WDR76: variants seen among roughly 807,000 people sequenced by gnomAD.
WDR76 encodes the protein WD repeat domain 76.
Under a neutral mutation model 70.2 loss-of-function variants are expected in WDR76, and 52 were observed. The observed-to-expected ratio is 0.74, with a 90% confidence interval of 0.59 to 0.93. The LOEUF is 0.93. Among genes scored for constraint, WDR76 ranks in the 40% least tolerant of loss-of-function variants. The probability of loss-of-function intolerance (pLI) is 0.00; values close to 1 mark genes in which losing one functional copy is unlikely to be tolerated. For synonymous variants in WDR76, 292 were observed against 271.1 expected, an observed-to-expected ratio of 1.08 and a Z score of -0.76; for missense variants, 756 against 760.2, an observed-to-expected ratio of 0.99 and a Z score of 0.07.
At position 43,866,473 on chromosome 15, in the gene WDR76, A is replaced by T; in HGVS notation, c.*81A>T. ...GTAATCGGCGTGCCTTAGTGTGTTT[A>T]TGTGGTAATGTGTTACATTTAGCAA... On this transcript the variant is annotated 3_prime_UTR_variant, in exon 13 of 13. Transcript: ENST00000263795. 2 of 1,452,812 alleles carry T rather than the reference A, an allele frequency of 1.4e-6. No individual in the cohort carries two copies. The highest frequency in any genetic ancestry group is 2.5e-5 in the South Asian group (2 of 80,156). 90.0% of individuals were successfully genotyped at this position (1,452,812 alleles called of 1,614,324 possible).
chr15:43,860,095 A>C (rs75016130), intron 11 of WDR76, among the ~76,000 whole-genome samples: 2 of 152,334 alleles, frequency 1.3e-5, no homozygotes, highest in East Asian at 3.9e-4. Context: ...TACAGAAAAA[A>C]TTAGCCAGAT....
chr15:43,858,210 C>T (rs1432857417), intron 10 of WDR76, among the ~76,000 whole-genome samples: 3 of 151,400 alleles, frequency 2.0e-5, no homozygotes, highest in African/African-American at 4.9e-5. Flanking sequence ...GGATTACAGG[C>T]GTGAGCCACC....
chr15:43,831,534 G>A (rs1487822325), intron 2 of WDR76, among the ~76,000 whole-genome samples: 1 of 151,850 alleles, frequency 6.6e-6, no homozygotes, highest in Non-Finnish European at 1.5e-5. Flanking sequence ...CACCTCCCAG[G>A]TTCAAGCGAT....
intron 5 of WDR76, among the ~76,000 whole-genome samples, chr15:43,841,193 G>GTTTTTTT (rs1419399531): frequency 8.4e-6 from 1 of 118,764 alleles, no homozygotes. Context: ...GCTAAGTTTT[G>GTTTTTTT]TTTTTTTGTT....
chr15:43,850,995 G>A, intron 8 of WDR76, 92 bp from the exon 9 acceptor site: 1 of 1,461,616 alleles, frequency 6.8e-7, no homozygotes, highest in Non-Finnish European at 9.3e-7. Context: ...ATATAATCCA[G>A]TGTAAATTCT....
chr15:43,843,026 T>G (rs574621283), intron 7 of WDR76, among the ~76,000 whole-genome samples: 3 of 145,788 alleles, frequency 2.1e-5, no homozygotes, highest in South Asian at 2.2e-4. Context: ...TTTTTTTTTT[T>G]TTTTTTTTGT....
chr15:43,845,167 T>A (rs534890958), intron 8 of WDR76, among the ~76,000 whole-genome samples: 9 of 148,772 alleles, frequency 6.0e-5, no homozygotes, highest in African/African-American at 2.2e-4. Flanking sequence ...TTCCCCATGG[T>A]CTTGATCTCC....
At position 43,857,125 on chromosome 15, in the gene WDR76, C is replaced by G. The variant is rs1486136713; in HGVS notation, c.1371C>G (p.His457Gln). 4 of 1,613,914 alleles carry G rather than the reference C, an allele frequency of 2.5e-6. No homozygotes were observed. The highest frequency in any genetic ancestry group is 3.4e-6 in the Non-Finnish European group (4 of 1,179,994). ...GAAAAATAAGAACTGTTCATGTCCA[C>G]CCAGTGCATAGACAGTATTTTATCA... Reference protein sequence around the residue: ...SMGKIRTVHVHPVHRQYFITA... With the variant: ...SMGKIRTVHVQPVHRQYFITA... Residue 457 changes from histidine to glutamine, a missense_variant, in exon 10 of 13, where the codon CAC (histidine) becomes CAG (glutamine). Physicochemically the swap from His to Gln is conservative, Grantham distance 24 (BLOSUM62 0). Coordinates refer to ENST00000263795, the MANE Select transcript of WDR76 (RefSeq NM_024908.4).
At chr15:43,830,124 C>T (rs2087568777) in intron 2 of WDR76, among the ~76,000 whole-genome samples, 1 of 151,744 alleles carries the variant, frequency 6.6e-6, no homozygotes, top group Non-Finnish European at 1.5e-5. Flanking sequence ...ACCTCAGACT[C>T]CCAAAGTGCT....
At chr15:43,864,954 T>A (rs2088051113) in intron 12 of WDR76, among the ~76,000 whole-genome samples, 1 of 152,144 alleles carries the variant, frequency 6.6e-6, no homozygotes, top group Admixed American at 6.5e-5. Flanking sequence ...AAATGGAGTC[T>A]CCCTCTGACA....
chr15:43,853,080 G>T (rs2087882807), intron 9 of WDR76, among the ~76,000 whole-genome samples: 1 of 152,062 alleles, frequency 6.6e-6, no homozygotes, highest in South Asian at 2.1e-4. Context: ...GTAGAGACAG[G>T]GTTTCCCCAT....
chr15:43,861,310 G>A, intron 11 of WDR76, 23 bp from the exon 12 acceptor site: 1 of 1,603,934 alleles, frequency 6.2e-7, no homozygotes, highest in Non-Finnish European at 8.5e-7. Context: ...ACAAAAGAAT[G>A]TCTTACTCTC....
Position 43,827,037 on chromosome 15 carries a change from C to A in WDR76, c.5C>A (p.Ser2Tyr), listed in dbSNP as rs191160757. Residue 2 changes from serine to tyrosine, a missense_variant, in exon 1 of 13, where the codon TCC (serine) becomes TAC (tyrosine). Coordinates refer to ENST00000263795, the MANE Select transcript of WDR76 (RefSeq NM_024908.4). M[S>Y]RSGAAAEKAD... ...CGGCCGCTAAGAAGCCGAAAGATGTCCAGGTCGGGCGCGGCGGCTGAGAAG... is the reference window on the plus strand; with the variant it reads ...CGGCCGCTAAGAAGCCGAAAGATGTACAGGTCGGGCGCGGCGGCTGAGAAG... The A allele has an allele frequency of 2.6e-4, 425 of 1,614,074 alleles. 2 individuals are homozygous for A. The East Asian group carries it at 8.6e-3, about 33-fold the overall frequency.
chr15:43,830,122 C>T lies in WDR76; in HGVS notation c.462+1756C>T, dbSNP rs568662168. ...GCTCAACCAGTCCTCCAACCTCAGA[C>T]TCCCAAAGTGCTAGGATTATAGGCT... On this transcript the variant is annotated intron_variant, in intron 2 of 12. Transcript: ENST00000263795. Among the ~76,000 whole-genome samples the T allele has an allele frequency of 3.3e-5, 5 of 151,850 alleles. No individual in the cohort carries two copies. The East Asian group carries it at 9.7e-4, about 29-fold the overall frequency.
rs755099731 is a variant in WDR76, at chr15:43,866,266, T to C, written c.1755T>C (p.His585=). The part of the protein sequence containing the change: ...EIFHETGKRV[H]SFGGEYLVSV... ...TCCATGAGACAGGAAAGAGGGTGCATTCGTTTGGTGGAGAATACCTTGTCT... is the reference window on the plus strand; with the variant it reads ...TCCATGAGACAGGAAAGAGGGTGCACTCGTTTGGTGGAGAATACCTTGTCT... The change falls in exon 13 of 13, where the codon CAT becomes CAC. Residue 585 remains histidine (H), a synonymous_variant. Coordinates refer to ENST00000263795, the MANE Select transcript of WDR76 (RefSeq NM_024908.4). The C allele has an allele frequency of 3.7e-6, 6 of 1,613,944 alleles. No homozygotes were observed. The South Asian group carries it at 5.5e-5, about 15-fold the overall frequency.
intron 8 of WDR76, 71 bp from the exon 9 acceptor site, chr15:43,851,015 TA>T: frequency 1.3e-6 from 2 of 1,567,366 alleles, no homozygotes; most frequent in South Asian, 2.4e-5. Context: ...TTTAATGACA[TA>T]ATAGCATAGC....
chr15:43,859,714 C>T (rs2087972888), intron 11 of WDR76, among the ~76,000 whole-genome samples: 2 of 152,194 alleles, frequency 1.3e-5, no homozygotes, highest in South Asian at 4.1e-4. Flanking sequence ...CATGTAGTTT[C>T]CTTTGTCTCA....
intron 7 of WDR76, among the ~76,000 whole-genome samples, 174 bp from the exon 8 acceptor site, chr15:43,843,727 G>C (rs1244963800): frequency 6.6e-6 from 1 of 151,928 alleles, no homozygotes; most frequent in Non-Finnish European, 1.5e-5. Flanking sequence ...AATTATCAAG[G>C]GTAATTTAAA....
intron 11 of WDR76, 125 bp from the exon 12 acceptor site, chr15:43,861,208 A>C (rs953895040): frequency 5.9e-6 from 5 of 841,412 alleles, no homozygotes; most frequent in Middle Eastern, 6.9e-4. Context: ...CTGATCCTAC[A>C]TATTTTTAAG....
Sources: allele counts gnomAD v4.1 joint callset (sites outside exome capture counted in the v4.1 genomes callset), GRCh38; gene constraint gnomAD v4.1.1; transcripts MANE v1.5; gene names NCBI Gene and HGNC (gene_info 2026-07-23, HGNC 2026-07-21).